SLC35F1: variants seen among roughly 807,000 people sequenced by gnomAD.
The protein encoded by SLC35F1 is chromosome 6 open reading frame 169.
A neutral mutation model predicts 48.7 loss-of-function variants in SLC35F1; 14 were observed. That is an observed-to-expected ratio of 0.29 (90% confidence interval 0.19 to 0.45). SLC35F1 has a LOEUF of 0.45. Among genes scored for constraint, SLC35F1 ranks in the 20% least tolerant of loss-of-function variants. The pLI is 1.00. For synonymous variants in SLC35F1, 190 were observed against 202.2 expected, an observed-to-expected ratio of 0.94 and a Z score of 0.51; for missense variants, 404 against 500.0, an observed-to-expected ratio of 0.81 and a Z score of 1.83.
At chr6:118,282,985 C>T (rs149674922) in intron 6 of SLC35F1, among the ~76,000 whole-genome samples, 432 of 152,316 alleles carry the variant, frequency 2.8e-3, no homozygotes, top group Non-Finnish European at 4.7e-3. Context: ...AAATGTAGAT[C>T]AGATTCTTTT....
At chr6:118,092,243 C>T (rs1488323705) in intron 1 of SLC35F1, among the ~76,000 whole-genome samples, 1 of 152,166 alleles carries the variant, frequency 6.6e-6, no homozygotes, top group East Asian at 1.9e-4. Context: ...AAAATGGTTT[C>T]CTCCAGCCCC....
intron 2 of SLC35F1, among the ~76,000 whole-genome samples, chr6:118,226,309 CA>C (rs1183902783): frequency 2.0e-5 from 3 of 152,118 alleles, no homozygotes; most frequent in Non-Finnish European, 4.4e-5. Context: ...GGAGATTCCT[CA>C]AAAAGCTAGA....
intron 2 of SLC35F1, among the ~76,000 whole-genome samples, chr6:118,177,368 T>A (rs953459373): frequency 6.6e-6 from 1 of 152,172 alleles, no homozygotes; most frequent in Non-Finnish European, 1.5e-5. Flanking sequence ...TTTTATCTTA[T>A]ATTTCCTCTT....
chr6:117,945,509 C>T (rs1776285485), intron 1 of SLC35F1, among the ~76,000 whole-genome samples: 1 of 152,130 alleles, frequency 6.6e-6, no homozygotes, highest in South Asian at 2.1e-4. Context: ...TATAATACTC[C>T]TCATAGCTTT....
chr6:117,957,914 T>A (rs562720712), intron 1 of SLC35F1, among the ~76,000 whole-genome samples: 7 of 151,620 alleles, frequency 4.6e-5, no homozygotes, highest in Non-Finnish European at 7.4e-5. Flanking sequence ...ACTCCTACTT[T>A]AAAAAAAAAG....
At chr6:117,948,291 A>G (rs1776319953) in intron 1 of SLC35F1, among the ~76,000 whole-genome samples, 1 of 152,114 alleles carries the variant, frequency 6.6e-6, no homozygotes, top group Admixed American at 6.6e-5. Flanking sequence ...ATTTCTTTGG[A>G]TTTGAACTGG....
intron 1 of SLC35F1, among the ~76,000 whole-genome samples, chr6:117,974,266 C>T (rs890523267): frequency 6.6e-6 from 1 of 152,110 alleles, no homozygotes; most frequent in Non-Finnish European, 1.5e-5. Context: ...AGGAGCAGGG[C>T]ATATATGGTT....
chr6:117,926,504 G>A (rs1474880662), intron 1 of SLC35F1, among the ~76,000 whole-genome samples: 2 of 152,126 alleles, frequency 1.3e-5, no homozygotes, highest in East Asian at 1.9e-4. Flanking sequence ...AGGAGTGTGT[G>A]TGTGTGTTTG....
intron 1 of SLC35F1, among the ~76,000 whole-genome samples, chr6:118,143,922 A>G (rs1360426618): frequency 6.6e-6 from 1 of 152,114 alleles, no homozygotes; most frequent in Admixed American, 6.5e-5. Flanking sequence ...AAAACTTTTC[A>G]TTTGACTATA....
intron 1 of SLC35F1, among the ~76,000 whole-genome samples, chr6:117,940,580 A>G (rs934043717): frequency 2.0e-5 from 3 of 152,210 alleles, no homozygotes; most frequent in East Asian, 3.8e-4. Flanking sequence ...TAACCAAGAC[A>G]TGGAATCAAC....
intron 7 of SLC35F1, among the ~76,000 whole-genome samples, chr6:118,286,797 G>T (rs1440015286): frequency 7.5e-6 from 1 of 133,328 alleles, no homozygotes; most frequent in Non-Finnish European, 1.6e-5. Flanking sequence ...GTGTGTGTGT[G>T]TGTGTGTTTG....
Position 118,314,014 on chromosome 6 carries a change from T to C in SLC35F1, c.1003-14T>C. 1 of 1,613,136 alleles carries C rather than the reference T, an allele frequency of 6.2e-7. No homozygotes were observed. Among genetic ancestry groups the C allele is most frequent in the Non-Finnish European group, 8.5e-7 (1 of 1,179,094 alleles). Reference sequence around the variant, plus strand: ...CCCTGGCTGTCAAATGACTTTACTGTTGTGTTTTTTTAGTTTTCAGGACTT... The same window carrying C: ...CCCTGGCTGTCAAATGACTTTACTGCTGTGTTTTTTTAGTTTTCAGGACTT... On this transcript the variant is annotated splice_polypyrimidine_tract_variant and intron_variant, in intron 7 of 7. Transcript: ENST00000360388.
chr6:118,176,534 A>C (rs113812725), intron 2 of SLC35F1, among the ~76,000 whole-genome samples: 1 of 152,092 alleles, frequency 6.6e-6, no homozygotes, highest in Admixed American at 6.6e-5. Context: ...TTTACTGGTC[A>C]TAAAGTGTTG....
intron 1 of SLC35F1, among the ~76,000 whole-genome samples, chr6:118,015,160 A>G (rs902074798): frequency 1.3e-5 from 2 of 152,160 alleles, no homozygotes; most frequent in Non-Finnish European, 1.5e-5. Flanking sequence ...CCTCCCAGCC[A>G]TGTGGAACTG....
chr6:118,112,748 A>G (rs1773426321), intron 1 of SLC35F1, among the ~76,000 whole-genome samples: 1 of 152,330 alleles, frequency 6.6e-6, no homozygotes, highest in Admixed American at 6.5e-5. Flanking sequence ...AGGAGAGGAA[A>G]TAGAATAATG....
rs534801267 is a variant in SLC35F1, at chr6:118,243,485, A to G, written c.477+7849A>G. Among the ~76,000 whole-genome samples, 283 of 152,338 alleles carry G rather than the reference A, an allele frequency of 1.9e-3. 3 individuals carry two copies. The highest frequency in any genetic ancestry group is 2.5e-3 in the Non-Finnish European group (167 of 68,030). On this transcript the variant is annotated intron_variant, in intron 3 of 7. Coordinates refer to ENST00000360388, the MANE Select transcript of SLC35F1 (RefSeq NM_001029858.4). Reference sequence around the variant, plus strand: ...TGCCTTAGCTAAATGCTAGGGATACAACCCCTGATCAGACCTGAGCCCTGC... The same window carrying G: ...TGCCTTAGCTAAATGCTAGGGATACGACCCCTGATCAGACCTGAGCCCTGC...
At chr6:118,034,637 G>T (rs574293406) in intron 1 of SLC35F1, among the ~76,000 whole-genome samples, 58 of 152,098 alleles carry the variant, frequency 3.8e-4, no homozygotes, top group Non-Finnish European at 6.5e-4. Flanking sequence ...GTGGGCCTGT[G>T]GTCTGTAGTT....
chr6:117,909,753 G>C (rs1044781854), intron 1 of SLC35F1, among the ~76,000 whole-genome samples: 3 of 152,118 alleles, frequency 2.0e-5, no homozygotes, highest in African/African-American at 7.2e-5. Context: ...TAAGCCTATG[G>C]GGTAAACATA....
intron 1 of SLC35F1, among the ~76,000 whole-genome samples, chr6:118,137,546 C>T (rs1423854554): frequency 6.6e-6 from 1 of 152,128 alleles, no homozygotes; most frequent in Non-Finnish European, 1.5e-5. Context: ...TATTCTAGGG[C>T]CATAGAGATG....
Sources: gnomAD v4.1 joint callset for allele counts (sites outside exome capture counted in the v4.1 genomes callset) on GRCh38, gnomAD v4.1.1 for gene constraint, MANE v1.5 for transcripts, NCBI Gene and HGNC (gene_info 2026-07-23, HGNC 2026-07-21) for gene names.